ARHGEF9: variants seen among roughly 807,000 people sequenced by gnomAD.
The protein encoded by ARHGEF9 is Cdc42 guanine nucleotide exchange factor 9.
ARHGEF9 carries 2 observed loss-of-function variants against 41.3 expected under a neutral mutation model. The ratio of observed to expected loss-of-function variants is 0.05; its 90% CI spans 0.02 to 0.15. ARHGEF9 has a LOEUF of 0.15. Among genes scored for constraint, ARHGEF9 ranks in the 10% least tolerant of loss-of-function variants. The probability of loss-of-function intolerance (pLI) is 1.00; values close to 1 mark genes in which losing one functional copy is unlikely to be tolerated. For synonymous variants in ARHGEF9, 160 were observed against 154.4 expected, an observed-to-expected ratio of 1.04 and a Z score of -0.27; for missense variants, 225 against 424.7, an observed-to-expected ratio of 0.53 and a Z score of 4.13.
At chrX:63,682,707 A>G (rs1263027056) in intron 4 of ARHGEF9, among the ~76,000 whole-genome samples, 1 of 112,152 alleles carries the variant, frequency 8.9e-6, no homozygotes, top group African/African-American at 3.2e-5. Context: ...GATACATTAC[A>G]TTAGCAAAAG....
chrX:63,673,970 T>C, intron 6 of ARHGEF9, 68 bp downstream of exon 6: 1 of 1,169,399 alleles, frequency 8.6e-7, no homozygotes, highest in Non-Finnish European at 1.2e-6. Flanking sequence ...CACCTGTCCT[T>C]AGCTAAGATG....
intron 2 of ARHGEF9, chrX:63,712,975 C>T (rs1275022145): frequency 9.0e-6 from 1 of 111,327 alleles, no homozygotes; most frequent in Non-Finnish European, 1.9e-5. Context: ...CTTTAGTAGC[C>T]CCTCCCTGCA....
At position 63,643,717 on chromosome X, in the gene ARHGEF9, T is replaced by TAA. The variant is rs560889265; in HGVS notation, c.1390+261_1390+262dup. Among the ~76,000 whole-genome samples the TAA allele has an allele frequency of 0.037, 3,544 of 95,823 alleles. 99 individuals are homozygous for TAA. The highest frequency in any genetic ancestry group is 0.094 in the African/African-American group (2,509 of 26,572). The allele number at this position is 95,823 out of a possible 115,157, so 83.2% of individuals were successfully genotyped here. On this transcript the variant is annotated intron_variant, in intron 9 of 9. Transcript: ENST00000671741. ...TAGTAAAGTTTCCCTTATTTTTAAG[T>TAA]AAAAAAAAAAAAAAGAGGAACAGAG...
At chrX:63,695,465 C>T (rs2147438466) in intron 4 of ARHGEF9, among the ~76,000 whole-genome samples, 1 of 111,812 alleles carries the variant, frequency 8.9e-6, no homozygotes, top group South Asian at 3.8e-4. Context: ...CTTGTATGTG[C>T]TCCCTTGTGG....
chrX:63,681,129 C>T (rs2050596763), intron 4 of ARHGEF9, among the ~76,000 whole-genome samples: 1 of 111,602 alleles, frequency 9.0e-6, no homozygotes, highest in Non-Finnish European at 1.9e-5. Flanking sequence ...GGAGCCTTTG[C>T]ATTCTCTAGG....
intron 6 of ARHGEF9, among the ~76,000 whole-genome samples, chrX:63,673,791 G>T (rs2050099412): frequency 1.8e-5 from 2 of 111,213 alleles, no homozygotes; most frequent in African/African-American, 6.6e-5. Context: ...TTGTTCCTTG[G>T]CAATACCTGA....
At chrX:63,754,374 G>T in intron 1 of ARHGEF9, 1 of 1,205,951 alleles carries the variant, frequency 8.3e-7, no homozygotes, top group East Asian at 3.0e-5. Flanking sequence ...AAGAAAGCTT[G>T]TTCTTTCTCT....
At chrX:63,784,839 T>A (rs1357735696) in intron 1 of ARHGEF9, among the ~76,000 whole-genome samples, 1 of 111,262 alleles carries the variant, frequency 9.0e-6, no homozygotes, top group Non-Finnish European at 1.9e-5. Context: ...CCCTGGGATG[T>A]TCCTGGGCAC....
intron 1 of ARHGEF9, among the ~76,000 whole-genome samples, chrX:63,734,482 C>G (rs2054497528): frequency 8.9e-6 from 1 of 112,148 alleles, no homozygotes; most frequent in Admixed American, 9.4e-5. Context: ...TTATTAATAA[C>G]AAGCAACCAG....
intron 4 of ARHGEF9, among the ~76,000 whole-genome samples, chrX:63,696,257 T>C (rs1170204358): frequency 9.8e-5 from 11 of 111,945 alleles, no homozygotes; most frequent in African/African-American, 3.6e-4. Context: ...ATTTGAATTT[T>C]ATATTAAGTG....
chrX:63,666,461 C>CACACACAT (rs550476485), intron 6 of ARHGEF9, among the ~76,000 whole-genome samples: 10 of 101,123 alleles, frequency 9.9e-5, no homozygotes, highest in African/African-American at 3.6e-4. Flanking sequence ...CATACACACA[C>CACACACAT]ACACACACAC....
intron 4 of ARHGEF9, among the ~76,000 whole-genome samples, chrX:63,686,182 A>G (rs1197455940): frequency 1.8e-5 from 2 of 112,282 alleles, no homozygotes; most frequent in African/African-American, 6.5e-5. Context: ...AATAGTATTC[A>G]GCCATAAAAA....
At chrX:63,655,457 A>G (rs1556334483) in intron 8 of ARHGEF9, 37 bp downstream of exon 8, 1 of 1,209,994 alleles carries the variant, frequency 8.3e-7, no homozygotes, top group Middle Eastern at 2.3e-4. Context: ...TATGTTCTTC[A>G]TAGCCATGTT....
intron 1 of ARHGEF9, among the ~76,000 whole-genome samples, chrX:63,748,189 C>T (rs1255414265): frequency 8.9e-6 from 1 of 112,161 alleles, no homozygotes; most frequent in Non-Finnish European, 1.9e-5. Context: ...CAAAAATTAA[C>T]AAGTCCCAAC....
chrX:63,638,633 C>T, intron 9 of ARHGEF9: 1 of 308,287 alleles, frequency 3.2e-6, no homozygotes, highest in Non-Finnish European at 5.7e-6. Flanking sequence ...AAGAACCCAA[C>T]AAACTCTATT....
At chrX:63,649,238 T>C (rs1208784319) in intron 8 of ARHGEF9, among the ~76,000 whole-genome samples, 1 of 111,365 alleles carries the variant, frequency 9.0e-6, no homozygotes. Context: ...TAACAAACTG[T>C]CTCTCAGACC....
At chrX:63,670,937 T>A (rs2049918779) in intron 6 of ARHGEF9, among the ~76,000 whole-genome samples, 1 of 112,122 alleles carries the variant, frequency 8.9e-6, no homozygotes, top group Non-Finnish European at 1.9e-5. Flanking sequence ...CAGGCCTTGA[T>A]ATAATGCAGG....
intron 1 of ARHGEF9, chrX:63,727,599 A>G (rs2054047762): frequency 8.9e-6 from 1 of 112,161 alleles, no homozygotes; most frequent in Non-Finnish European, 1.9e-5. Context: ...CTTCTGGACT[A>G]GTGTTTTTTC....
intron 2 of ARHGEF9, among the ~76,000 whole-genome samples, chrX:63,720,910 C>T (rs1223681589): frequency 8.9e-6 from 1 of 111,918 alleles, no homozygotes; most frequent in African/African-American, 3.3e-5. Flanking sequence ...AGATCTGGCC[C>T]CTCTGGGCTT....
Sources: gnomAD v4.1 joint callset for allele counts (sites outside exome capture counted in the v4.1 genomes callset) on GRCh38, gnomAD v4.1.1 for gene constraint, MANE v1.5 for transcripts, NCBI Gene and HGNC (gene_info 2026-07-23, HGNC 2026-07-21) for gene names.